PDE4DIP: variants seen among roughly 807,000 people sequenced by gnomAD.
PDE4DIP encodes the protein phosphodiesterase 4D interacting protein, also known as myomegalin.
Under a neutral mutation model 221.4 loss-of-function variants are expected in PDE4DIP, and 59 were observed. The ratio of observed to expected loss-of-function variants is 0.27; its 90% CI spans 0.22 to 0.33. The LOEUF is 0.33. PDE4DIP is among the 10% of genes least tolerant of loss of function. PDE4DIP has a pLI of 1.00. For synonymous variants in PDE4DIP, 404 were observed against 815.9 expected (o/e 0.50, Z 8.60); for missense variants, 1,036 against 2,154.2 (o/e 0.48, Z 10.28).
chr1:149,012,717 T>C, exon 32 of PDE4DIP: 1 of 1,613,712 alleles, frequency 6.2e-7, no homozygotes, highest in Non-Finnish European at 8.5e-7. Flanking sequence ...GAGACACCAG[T>C]GGTCTCCTTG....
chr1:148,963,748 C>CTTTTTTTTTTTTTTTTTTTTTT (rs66921099), intron 9 of PDE4DIP, among the ~76,000 whole-genome samples: 2 of 89,098 alleles, frequency 2.2e-5, no homozygotes, highest in African/African-American at 4.7e-5. Flanking sequence ...TTCTTTCCTT[C>CTTTTTTTTTTTTTTTTTTTTTT]TTTTTTTTTT....
At chr1:148,944,696 C>G (rs2051217906) in intron 5 of PDE4DIP, among the ~76,000 whole-genome samples, 1 of 147,388 alleles carries the variant, frequency 6.8e-6, no homozygotes, top group South Asian at 2.2e-4. Flanking sequence ...CACGGTGAAA[C>G]CCTGTCTCTA....
intron 1 of PDE4DIP, among the ~76,000 whole-genome samples, chr1:148,893,045 T>TTA (rs1196923717): frequency 1.4e-4 from 15 of 109,952 alleles, no homozygotes; most frequent in African/African-American, 4.2e-4. Flanking sequence ...GGCTAATTAT[T>TTA]TATATATATA....
At chr1:148,876,016 A>T (rs1317326974) in intron 3 of PDE4DIP, among the ~76,000 whole-genome samples, 1 of 151,918 alleles carries the variant, frequency 6.6e-6, no homozygotes, top group African/African-American at 2.4e-5. Flanking sequence ...CAAAGTTGTA[A>T]ATATTAGCTT....
At chr1:149,021,970 C>T (rs1469313091) in intron 37 of PDE4DIP, among the ~76,000 whole-genome samples, 11 of 147,302 alleles carry the variant, frequency 7.5e-5, no homozygotes, top group East Asian at 2.5e-4. Context: ...GAACAGAGGA[C>T]GACATCAATG....
chr1:148,899,438 A>G (rs1306779777), intron 1 of PDE4DIP, among the ~76,000 whole-genome samples: 1 of 131,278 alleles, frequency 7.6e-6, no homozygotes, highest in African/African-American at 2.9e-5. Flanking sequence ...TACAAAGTGT[A>G]AGGAAACTCA....
At chr1:148,899,084 G>A (rs4649735) in intron 1 of PDE4DIP, among the ~76,000 whole-genome samples, 11 of 118,740 alleles carry the variant, frequency 9.3e-5, no homozygotes, top group Admixed American at 1.7e-4. Flanking sequence ...CACCCACCTC[G>A]GCCTCCCAAA....
chr1:149,016,405 G>A (rs782798988), exon 33 of PDE4DIP: 1 of 1,187,444 alleles, frequency 8.4e-7, no homozygotes, highest in Non-Finnish European at 1.3e-6. Context: ...CTCCTCCAAG[G>A]GGCACCATAG....
At chr1:149,030,164 C>G in intron 42 of PDE4DIP, 68 bp from the exon 46 acceptor site, 1 of 1,297,880 alleles carries the variant, frequency 7.7e-7, no homozygotes, top group South Asian at 1.3e-5. Context: ...TTAGAATTCT[C>G]ATGCTAAGCA....
intron 21 of PDE4DIP, chr1:148,981,624 T>A: frequency 2.0e-6 from 1 of 506,756 alleles, no homozygotes; most frequent in Admixed American, 3.2e-5. Flanking sequence ...TACATACATA[T>A]CAATCCCTAA....
exon 44 of PDE4DIP, chr1:149,032,476 G>C: frequency 3.0e-6 from 1 of 335,694 alleles, no homozygotes; most frequent in Non-Finnish European, 5.6e-6. Flanking sequence ...CACTGCTGGC[G>C]GGGGCTCAGT....
chr1:148,937,385 A>C (rs1246745310), intron 4 of PDE4DIP, among the ~76,000 whole-genome samples: 1 of 152,276 alleles, frequency 6.6e-6, no homozygotes, highest in East Asian at 1.9e-4. Flanking sequence ...GGTAGAGTGC[A>C]TTGAGTACAC....
In PDE4DIP at chr1:149,012,576, A is replaced by T. The variant is rs782394351; in HGVS notation, c.5081-15A>T. The T allele has an allele frequency of 8.3e-6, 13 of 1,571,998 alleles. No individual in the cohort carries two copies. In the South Asian group the frequency reaches 1.5e-4, roughly 18 times the overall value. Reference sequence around the variant, plus strand: ...TGATGATGTGTCTCTTTTCTCCTTAACTTTCTTTTCCTAGGCTTTCATTTT... The same window carrying T: ...TGATGATGTGTCTCTTTTCTCCTTATCTTTCTTTTCCTAGGCTTTCATTTT... On this transcript the variant is annotated splice_polypyrimidine_tract_variant and intron_variant, in intron 31 of 43. Transcript: ENST00000369354.
At chr1:149,013,989 T>C (rs1379887353) in intron 32 of PDE4DIP, among the ~76,000 whole-genome samples, 25 of 152,066 alleles carry the variant, frequency 1.6e-4, no homozygotes, top group Admixed American at 1.5e-3. Flanking sequence ...GGTTTCGCCA[T>C]GTTGCCAAGA....
intron 14 of PDE4DIP, among the ~76,000 whole-genome samples, chr1:148,969,773 C>T (rs1422337606): frequency 6.8e-6 from 1 of 147,834 alleles, no homozygotes; most frequent in Non-Finnish European, 1.5e-5. Flanking sequence ...ATGGCGCAAT[C>T]TTGGCTCACT....
chr1:149,028,693 C>T (rs781825970), exon 41 of PDE4DIP: 2 of 1,587,798 alleles, frequency 1.3e-6, no homozygotes, highest in Non-Finnish European at 8.6e-7. Flanking sequence ...CCTGTGCTGC[C>T]TGGCAAAGTG....
At chr1:148,979,959 A>G (rs1377026305) in intron 20 of PDE4DIP, 110 bp downstream of exon 23, 2 of 1,377,416 alleles carry the variant, frequency 1.5e-6, no homozygotes, top group Non-Finnish European at 2.0e-6. Flanking sequence ...ATGATACTGA[A>G]GAGGGGAGAA....
chr1:149,023,638 G>A (rs2073912583), intron 37 of PDE4DIP, among the ~76,000 whole-genome samples: 1 of 136,128 alleles, frequency 7.3e-6, no homozygotes, highest in Non-Finnish European at 1.6e-5. Context: ...GTATATGTGT[G>A]CACATATATA....
At chr1:149,030,705 A>G in intron 43 of PDE4DIP, 1 of 983,892 alleles carries the variant, frequency 1.0e-6, no homozygotes, top group Non-Finnish European at 1.2e-6. Flanking sequence ...AACCTAATAA[A>G]CTGATTTCAC....
Sources: allele counts gnomAD v4.1 joint callset (sites outside exome capture counted in the v4.1 genomes callset), GRCh38; gene constraint gnomAD v4.1.1; transcripts MANE v1.5; gene names NCBI Gene and HGNC (gene_info 2026-07-23, HGNC 2026-07-21).